UNC5CL: variants seen among roughly 807,000 people sequenced by gnomAD.
UNC5CL encodes the protein unc-5 family C-terminal like, also known as UNC5C-like protein.
Under a neutral mutation model 54.1 loss-of-function variants are expected in UNC5CL, and 42 were observed. The observed-to-expected ratio is 0.78, with a 90% CI of 0.61 to 1.00. UNC5CL has a LOEUF of 1.00. UNC5CL is among the 50% of genes least tolerant of loss of function. The pLI is 0.00. For missense variants in UNC5CL, 619 were observed against 675.6 expected (o/e 0.92, Z 0.93); for synonymous variants, 285 against 285.1 (o/e 1.00, Z 0.00).
At chr6:41,034,605 T>G (rs909453136) in intron 2 of UNC5CL, 85 bp downstream of exon 2, 1 of 1,478,660 alleles carries the variant, frequency 6.8e-7, no homozygotes, top group Non-Finnish European at 9.1e-7. Context: ...GTAAAAGGTG[T>G]CTATGAACAT....
intron 3 of UNC5CL, 126 bp downstream of exon 3, chr6:41,033,755 G>A (rs1762483434): frequency 3.6e-6 from 4 of 1,116,290 alleles, no homozygotes; most frequent in South Asian, 3.1e-5. Flanking sequence ...AGACACCAGG[G>A]GATAAAGGAT....
At chr6:41,038,553 AT>A (rs1762547790) in intron 1 of UNC5CL, among the ~76,000 whole-genome samples, 1 of 152,140 alleles carries the variant, frequency 6.6e-6, no homozygotes, top group Admixed American at 6.5e-5. Context: ...TGGCTCCAGA[AT>A]GGGGAAAGGT....
Position 41,032,099 on chromosome 6 carries a change from G to A in UNC5CL, c.988C>T (p.Pro330Ser), listed in dbSNP as rs1260987634. Residue 330 changes from proline to serine, a missense_variant, in exon 5 of 9, where the codon CCC becomes TCC. By Grantham distance (74) the Pro-to-Ser change is moderately conservative. Transcript: ENST00000244565. ...NVDDSSCQLV[P>S]HLHIWHGKCP... Reference sequence around the variant, plus strand: ...TTTCCATGCCAGATGTGGAGATGGGGAACCAGCTGGCAACTGCTGTCATCC... The same window carrying A: ...TTTCCATGCCAGATGTGGAGATGGGAAACCAGCTGGCAACTGCTGTCATCC... 3 of 1,614,200 alleles carry A rather than the reference G, an allele frequency of 1.9e-6. No individual in the cohort carries two copies. Among genetic ancestry groups the A allele is most frequent in the Admixed American group, 3.3e-5 (2 of 60,028 alleles).
rs774664002 is a variant in UNC5CL, at chr6:41,034,028, G to A, written c.539C>T (p.Thr180Met). 36 of 1,614,098 alleles carry A rather than the reference G, an allele frequency of 2.2e-5. No individual in the cohort carries two copies. The highest frequency in any genetic ancestry group is 1.6e-4 in the Middle Eastern group (1 of 6,084). The change falls in exon 3 of 9, where the codon ACG becomes ATG. Residue 180 changes from threonine (T) to methionine (M), a missense_variant. Thr to Met is a moderately conservative substitution (Grantham distance 81). Transcript: ENST00000244565. The stretch of plus-strand genomic sequence containing the variant: ...GGGCTGCTCGGCACAGTGTTTGAAC[G>A]TGAGAGTGCAAGGCTTCAGGAAGGA... ...GASFLKPCTL[T>M]FKHCAEQPSH...
rs1421068927 is a variant in UNC5CL at position 41,031,902 on chromosome 6, CCT to C, written c.1051+132_1051+133del. The stretch of plus-strand genomic sequence containing the variant: ...TCTCTCTGCAAAGATCTGTGTGGCT[CCT>C]GGCCTTTCAGGGAAGGTCTGTGTGC... On this transcript the variant is annotated intron_variant, in intron 5 of 8. Coordinates refer to ENST00000244565, the MANE Select transcript of UNC5CL (RefSeq NM_173561.3). 9.8e-6 allele frequency: 12 copies of C among 1,224,016 alleles called. No homozygotes were observed. The Admixed American group carries it at 2.0e-4, about 21-fold the overall frequency. The allele number at this position is 1,224,016 out of a possible 1,614,324, so 75.8% of individuals were successfully genotyped here.
chr6:41,031,929 CA>C, intron 5 of UNC5CL, 106 bp downstream of exon 5: 2 of 1,285,272 alleles, frequency 1.6e-6, no homozygotes, highest in Non-Finnish European at 2.2e-6. Flanking sequence ...GGTCTGTGTG[CA>C]TGGCTGCATG....
At position 41,028,535 on chromosome 6, in the gene UNC5CL, G is replaced by A; in HGVS notation, c.1395C>T (p.Asn465=). 1.2e-6 allele frequency: 2 copies of A among 1,613,906 alleles called. No individual in the cohort carries two copies. Among genetic ancestry groups the A allele is most frequent in the Non-Finnish European group, 1.7e-6 (2 of 1,180,018 alleles). Residue 465 remains asparagine (N), a synonymous_variant, in exon 9 of 9, where the codon AAC becomes AAT. Coordinates refer to ENST00000244565, the MANE Select transcript of UNC5CL (RefSeq NM_173561.3). This position sits in a 1 kb window ranked among gnomAD's most constrained non-coding sequence, Gnocchi z 4.3. Reference sequence around the variant, plus strand: ...GGTAGTGCAGCTCCTGCAGGCTGCCGTTCTGCTCCTCAAACAACTCCAGGA... The same window carrying A: ...GGTAGTGCAGCTCCTGCAGGCTGCCATTCTGCTCCTCAAACAACTCCAGGA... ...AAILELFEEQ[N]GSLQELHYLM...
intron 1 of UNC5CL, among the ~76,000 whole-genome samples, chr6:41,036,752 A>G (rs1202308578): frequency 7.3e-5 from 11 of 150,752 alleles, no homozygotes; most frequent in Non-Finnish European, 7.4e-5. Context: ...GTGGAAGCAA[A>G]AAAAAAAAAA....
chr6:41,037,510 C>T (rs1762539007), intron 1 of UNC5CL, among the ~76,000 whole-genome samples: 1 of 152,244 alleles, frequency 6.6e-6, no homozygotes, highest in South Asian at 2.1e-4. Context: ...CTTCTTCCTT[C>T]CAACCTCAGG....
intron 6 of UNC5CL, among the ~76,000 whole-genome samples, chr6:41,031,388 T>C (rs1246479758): frequency 6.6e-6 from 1 of 152,178 alleles, no homozygotes. Context: ...AAAGAAACCA[T>C]ATCAACTTGA....
chr6:41,033,904 A>T lies in UNC5CL; in HGVS notation c.663T>A (p.Cys221Ter). 2.5e-6 allele frequency: 4 copies of T among 1,613,724 alleles called. No individual in the cohort carries two copies. Among genetic ancestry groups the T allele is most frequent in the Non-Finnish European group, 3.4e-6 (4 of 1,179,792 alleles). The part of the protein sequence containing the change: ...RPGAHASRDE[C>*]RIHLSHFSLY... The stretch of plus-strand genomic sequence containing the variant: ...ACCTGAAGTGGGAGAGGTGGATGCG[A>T]CACTCATCCCGGGAGGCGTGGGCCC... Residue 221 changes from cysteine to a stop codon, truncating the protein, a stop_gained, in exon 3 of 9, where the codon TGT becomes TGA. Transcript: ENST00000244565. LOFTEE classifies it high-confidence loss of function.
At position 41,027,979 on chromosome 6, in the gene UNC5CL, C is replaced by A; in HGVS notation, c.*394G>T. On this transcript the variant is annotated 3_prime_UTR_variant, in exon 9 of 9. Coordinates refer to ENST00000244565, the MANE Select transcript of UNC5CL (RefSeq NM_173561.3). ...TGTGTGCTTGTCAGGGCTCCAGACC[C>A]TACCTCCTATATTCCAGTATTCTTC... is the stretch of plus-strand genomic sequence containing the variant. 5.3e-6 allele frequency: 1 copy of A among 189,954 alleles called. No individual in the cohort carries two copies. Among genetic ancestry groups the A allele is most frequent in the Non-Finnish European group, 1.1e-5 (1 of 92,766 alleles). The allele number at this position is 189,954 out of a possible 1,614,324, so 11.8% of individuals were successfully genotyped here.
intron 1 of UNC5CL, among the ~76,000 whole-genome samples, chr6:41,038,319 G>A (rs1005859906): frequency 2.6e-5 from 4 of 152,138 alleles, no homozygotes; most frequent in African/African-American, 9.7e-5. Context: ...AGGGATGAAA[G>A]GAGGGGCCCC....
chr6:41,031,570 T>C (rs773399274), intron 6 of UNC5CL, 111 bp downstream of exon 6: 1 of 1,094,262 alleles, frequency 9.1e-7, no homozygotes, highest in Non-Finnish European at 1.4e-6. Context: ...GAAAGTGCCA[T>C]CTTTACCTAT....
chr6:41,028,750 G>A lies in UNC5CL; in HGVS notation c.1335-155C>T, dbSNP rs1035517451. 2.6e-5 allele frequency among the ~76,000 whole-genome samples: 4 copies of A among 152,134 alleles called. No individual in the cohort carries two copies. Among genetic ancestry groups the A allele is most frequent in the Non-Finnish European group, 5.9e-5 (4 of 68,008 alleles). ...GCTCTTGCCTGCCTTCCAGGGCACA[G>A]GAGGTGGGAAGCCCCAGGGCTTTGA... On this transcript the variant is annotated intron_variant, in intron 8 of 8. Coordinates refer to ENST00000244565, the MANE Select transcript of UNC5CL (RefSeq NM_173561.3). The surrounding 1 kb of genome is among the most constrained non-coding windows in gnomAD (Gnocchi z 4.3).
At chr6:41,037,456 GCC>G (rs1476717970) in intron 1 of UNC5CL, among the ~76,000 whole-genome samples, 3 of 152,112 alleles carry the variant, frequency 2.0e-5, no homozygotes, top group Non-Finnish European at 2.9e-5. Flanking sequence ...TCCTCCCCAC[GCC>G]CTTCACTTGC....
rs545966491 is a variant in UNC5CL at position 41,034,329 on chromosome 6, T to C, written c.386-148A>G. 94 of 968,296 alleles carry C rather than the reference T, an allele frequency of 9.7e-5. No individual in the cohort carries two copies. The African/African-American group carries it at 1.2e-3, about 13-fold the overall frequency. 60.0% of individuals were successfully genotyped at this position (968,296 alleles called of 1,614,324 possible). On this transcript the variant is annotated intron_variant, in intron 2 of 8. Transcript: ENST00000244565. ...CACAGGGAAGTGGTATGAACAAGAG[T>C]AAGACGACTGTGGAGCTGACTTGTA... is the stretch of plus-strand genomic sequence containing the variant.
In UNC5CL at chr6:41,031,670, C is replaced by T; in HGVS notation, c.1119+11G>A. The T allele has an allele frequency of 6.2e-7, 1 of 1,614,110 alleles. No homozygotes were observed. The highest frequency in any genetic ancestry group is 8.5e-7 in the Non-Finnish European group (1 of 1,179,988). On this transcript the variant is annotated intron_variant, in intron 6 of 8. Transcript: ENST00000244565. ...GCCCTGCCCTTCCTCTGCCCCTCAG[C>T]TCCAACTCACATCCTGGAAGGTGTG...
At chr6:41,034,276 G>A (rs564154920) in intron 2 of UNC5CL, 95 bp from the exon 3 acceptor site, 6 of 1,389,800 alleles carry the variant, frequency 4.3e-6, no homozygotes, top group African/African-American at 1.5e-5. Flanking sequence ...GGTGGGGCAG[G>A]AGCCCAGGAG....
Sources: gnomAD v4.1 joint callset for allele counts (sites outside exome capture counted in the v4.1 genomes callset) on GRCh38, gnomAD v4.1.1 for gene constraint, Gnocchi (gnomAD v3.1) non-coding constraint, MANE v1.5 for transcripts, NCBI Gene and HGNC (gene_info 2026-07-23, HGNC 2026-07-21) for gene names.